ADK: variants seen among roughly 807,000 people sequenced by gnomAD.
ADK encodes the protein N6,N6-dimethyladenosine kinase.
A neutral mutation model predicts 44.7 loss-of-function variants in ADK; 24 were observed. The ratio of observed to expected loss-of-function variants is 0.54; its 90% CI spans 0.39 to 0.76. The LOEUF is 0.76. Ranked by LOEUF, ADK falls within the 30% of genes least tolerant of loss-of-function variation. The probability of loss-of-function intolerance (pLI) is 0.00; values close to 1 mark genes in which losing one functional copy is unlikely to be tolerated. For synonymous variants in ADK, 128 were observed against 142.6 expected (o/e 0.90, Z 0.73); for missense variants, 321 against 425.1 (o/e 0.76, Z 2.15).
intron 6 of ADK, among the ~76,000 whole-genome samples, chr10:74,489,235 A>G (rs1847381908): frequency 6.6e-6 from 1 of 151,960 alleles, no homozygotes; most frequent in African/African-American, 2.4e-5. Flanking sequence ...CAATCAGATA[A>G]TAAGTTCTCC....
intron 3 of ADK, among the ~76,000 whole-genome samples, chr10:74,261,488 G>C (rs997234218): frequency 1.3e-5 from 2 of 152,036 alleles, no homozygotes; most frequent in African/African-American, 4.8e-5. Flanking sequence ...ATTGTTTTTA[G>C]TCTTATTAGT....
intron 4 of ADK, among the ~76,000 whole-genome samples, chr10:74,375,527 C>A (rs1182981526): frequency 1.3e-5 from 2 of 152,168 alleles, no homozygotes; most frequent in Non-Finnish European, 2.9e-5. Context: ...TACCTGTCTT[C>A]ACAATCAGCA....
At chr10:74,354,787 C>T (rs1842079201) in intron 4 of ADK, among the ~76,000 whole-genome samples, 1 of 152,192 alleles carries the variant, frequency 6.6e-6, no homozygotes. Flanking sequence ...GGCATCACTC[C>T]ACTTTAATGT....
chr10:74,474,923 C>A (rs1357927657), intron 6 of ADK, among the ~76,000 whole-genome samples: 1 of 152,092 alleles, frequency 6.6e-6, no homozygotes, highest in South Asian at 2.1e-4. Context: ...GTCAGGAGAT[C>A]GAGACCATTC....
At chr10:74,540,949 A>T (rs77621992) in intron 7 of ADK, among the ~76,000 whole-genome samples, 1,925 of 152,328 alleles carry the variant, frequency 0.013, 46 homozygotes, top group African/African-American at 0.044. Flanking sequence ...GGAAATAATT[A>T]GCAAAATTTA....
chr10:74,386,200 G>A (rs1843135710), intron 4 of ADK, among the ~76,000 whole-genome samples: 1 of 151,986 alleles, frequency 6.6e-6, no homozygotes, highest in Admixed American at 6.6e-5. Flanking sequence ...TCTCAGTTTT[G>A]ACATTTAATT....
intron 9 of ADK, among the ~76,000 whole-genome samples, chr10:74,634,988 C>T (rs769896158): frequency 1.3e-5 from 2 of 152,076 alleles, no homozygotes; most frequent in African/African-American, 2.4e-5. Context: ...CTTCCTTGAC[C>T]TTTAGGACAA....
At chr10:74,661,893 G>T (rs1256118103) in intron 9 of ADK, among the ~76,000 whole-genome samples, 1 of 152,174 alleles carries the variant, frequency 6.6e-6, no homozygotes, top group Non-Finnish European at 1.5e-5. Flanking sequence ...AGCTCCTTGA[G>T]AAGATAGATC....
At chr10:74,636,533 G>A (rs1271209270) in intron 9 of ADK, among the ~76,000 whole-genome samples, 1 of 151,798 alleles carries the variant, frequency 6.6e-6, no homozygotes, top group Non-Finnish European at 1.5e-5. Flanking sequence ...ATGAAAAAAA[G>A]GGAATAAAAT....
chr10:74,504,747 C>T (rs1220793668), intron 6 of ADK, among the ~76,000 whole-genome samples: 2 of 151,994 alleles, frequency 1.3e-5, no homozygotes, highest in Admixed American at 6.6e-5. Flanking sequence ...AGTGAGTTCT[C>T]GTGGAACCTG....
intron 9 of ADK, among the ~76,000 whole-genome samples, chr10:74,667,709 G>A (rs575755544): frequency 6.6e-6 from 1 of 150,874 alleles, no homozygotes; most frequent in Admixed American, 6.6e-5. Context: ...ATTTTTTTTT[G>A]TATTTTTAGT....
At chr10:74,284,710 A>G (rs1049884801) in intron 3 of ADK, among the ~76,000 whole-genome samples, 1 of 152,224 alleles carries the variant, frequency 6.6e-6, no homozygotes, top group Non-Finnish European at 1.5e-5. Flanking sequence ...TCCCTTTAGT[A>G]GTAATTCTCA....
intron 7 of ADK, among the ~76,000 whole-genome samples, chr10:74,533,842 T>C (rs1309259758): frequency 6.6e-6 from 1 of 152,196 alleles, no homozygotes; most frequent in East Asian, 1.9e-4. Flanking sequence ...TATAGCAGCT[T>C]TATTTGTAAT....
chr10:74,254,476 A>G (rs1441200929), intron 3 of ADK, among the ~76,000 whole-genome samples: 2 of 151,052 alleles, frequency 1.3e-5, no homozygotes. Context: ...TCTTTTTTTT[A>G]TTTCCTCATT....
chr10:74,537,160 C>G (rs1422945421), intron 7 of ADK, among the ~76,000 whole-genome samples: 1 of 152,196 alleles, frequency 6.6e-6, no homozygotes, highest in African/African-American at 2.4e-5. Flanking sequence ...GAGGTGGCAT[C>G]TCACTTTGGT....
intron 4 of ADK, among the ~76,000 whole-genome samples, chr10:74,336,973 G>A (rs1405525672): frequency 6.6e-6 from 1 of 152,164 alleles, no homozygotes; most frequent in Non-Finnish European, 1.5e-5. Context: ...GTCTGCAGAT[G>A]CAGATCCCAT....
chr10:74,551,162 G>A (rs1850023508), intron 7 of ADK, among the ~76,000 whole-genome samples: 1 of 152,162 alleles, frequency 6.6e-6, no homozygotes, highest in Non-Finnish European at 1.5e-5. Flanking sequence ...CAGCAAAGAT[G>A]CCACTGGGAT....
At chr10:74,408,176 T>G (rs1844023216) in intron 6 of ADK, among the ~76,000 whole-genome samples, 1 of 150,552 alleles carries the variant, frequency 6.6e-6, no homozygotes, top group Admixed American at 6.6e-5. Context: ...TTTTTTTAGT[T>G]GAGATGAGGT....
chr10:74,335,539 T>A (rs1345721828), intron 4 of ADK, among the ~76,000 whole-genome samples: 4 of 152,240 alleles, frequency 2.6e-5, no homozygotes, highest in Non-Finnish European at 4.4e-5. Flanking sequence ...TTCTGGTGAT[T>A]ATGAATAAAG....
Sources: gnomAD v4.1 joint callset for allele counts (sites outside exome capture counted in the v4.1 genomes callset) on GRCh38, gnomAD v4.1.1 for gene constraint, MANE v1.5 for transcripts, NCBI Gene and HGNC (gene_info 2026-07-23, HGNC 2026-07-21) for gene names.